The following GNAI3 variants were observed in gnomAD, a reference collection of about 807,000 sequenced individuals.
The protein encoded by GNAI3 is guanine nucleotide-binding protein G(i) subunit alpha-3.
GNAI3 carries 12 observed loss-of-function variants against 41.8 expected under a neutral mutation model. The ratio of observed to expected loss-of-function variants is 0.29; its 90% confidence interval spans 0.18 to 0.47. The LOEUF (loss-of-function observed/expected upper bound fraction) is 0.47, where lower values mean the gene tolerates loss of function less well. Among genes scored for constraint, GNAI3 ranks in the 20% least tolerant of loss-of-function variants. The pLI, the probability that GNAI3 is intolerant of heterozygous loss-of-function variation, is 1.00. For synonymous variants in GNAI3, 132 were observed against 146.5 expected (o/e 0.90, Z 0.71); for missense variants, 360 against 429.6 (o/e 0.84, Z 1.43).
chr1:109,559,265 T>A (rs1648247305), intron 1 of GNAI3, among the ~76,000 whole-genome samples: 1 of 152,220 alleles, frequency 6.6e-6, no homozygotes, highest in Admixed American at 6.5e-5. Context: ...AGTTCATTTT[T>A]AAAATTTGTT....
chr1:109,548,918 C>T (rs1052778583), intron 1 of GNAI3, 80 bp downstream of exon 1: 1 of 950,732 alleles, frequency 1.1e-6, no homozygotes, highest in African/African-American at 1.6e-5. Flanking sequence ...TCTGGTCGGG[C>T]CGACGGAAAG....
At chr1:109,584,447 C>A (rs1330980616) in intron 5 of GNAI3, among the ~76,000 whole-genome samples, 1 of 152,178 alleles carries the variant, frequency 6.6e-6, no homozygotes, top group East Asian at 1.9e-4. Context: ...TGGAAACTTT[C>A]TTATTGGTGT....
At chr1:109,561,995 G>T (rs748001043) in intron 1 of GNAI3, among the ~76,000 whole-genome samples, 1 of 152,156 alleles carries the variant, frequency 6.6e-6, no homozygotes, top group African/African-American at 2.4e-5. Context: ...GGTACAGGAA[G>T]AGTGTAGAAG....
chr1:109,555,711 CTT>C (rs1648120481), intron 1 of GNAI3, among the ~76,000 whole-genome samples: 1 of 152,026 alleles, frequency 6.6e-6, no homozygotes, highest in Non-Finnish European at 1.5e-5. Context: ...ACAAAAAAGT[CTT>C]TTAGTTTTTA....
In GNAI3 at chr1:109,596,274, A is replaced by C. The variant is rs1570556917; in HGVS notation, c.*3952A>C. 6.6e-6 allele frequency: 1 copy of C among 152,116 alleles called. No individual in the cohort carries two copies. Among genetic ancestry groups the C allele is most frequent in the East Asian group, 1.9e-4 (1 of 5,194 alleles). The allele number at this position is 152,116 out of a possible 1,614,324, so 9.4% of individuals were successfully genotyped here. A position where few individuals can be genotyped will look rare whatever the true frequency, so the allele number is the denominator to read the frequency against. On this transcript the variant is annotated 3_prime_UTR_variant, in exon 9 of 9. Coordinates refer to ENST00000369851, the MANE Select transcript of GNAI3 (RefSeq NM_006496.4). ...TCATTTCTCTCCCTCCTTTCCCCCCAGTTTTCTCAACATTTATGAGTTAGT... is the reference window on the plus strand; with the variant it reads ...TCATTTCTCTCCCTCCTTTCCCCCCCGTTTTCTCAACATTTATGAGTTAGT...
chr1:109,586,914 A>T, intron 7 of GNAI3, 32 bp downstream of exon 7: 1 of 1,463,586 alleles, frequency 6.8e-7, no homozygotes, highest in Non-Finnish European at 9.5e-7. Flanking sequence ...TATTGGAGGT[A>T]CACATCTTAC....
intron 1 of GNAI3, 122 bp downstream of exon 1, chr1:109,548,960 C>G: frequency 3.2e-4 from 82 of 253,694 alleles, no homozygotes; most frequent in South Asian, 1.3e-3. Flanking sequence ...GCGTGCCGGG[C>G]GTGGGGCGGG....
chr1:109,569,046 G>C (rs1199392664), intron 1 of GNAI3, among the ~76,000 whole-genome samples: 1 of 152,078 alleles, frequency 6.6e-6, no homozygotes, highest in African/African-American at 2.4e-5. Context: ...AGATTGCCTT[G>C]CCTCTTTTAT....
chr1:109,587,693 T>C (rs1030711834), intron 7 of GNAI3, among the ~76,000 whole-genome samples: 1 of 152,170 alleles, frequency 6.6e-6, no homozygotes, highest in African/African-American at 2.4e-5. Context: ...TATCTCATGC[T>C]GAGACGATGA....
At position 109,592,030 on chromosome 1, in the gene GNAI3, G is replaced by C. The variant is rs1169983600; in HGVS notation, c.875-13G>C. 1.3e-6 allele frequency: 2 copies of C among 1,573,942 alleles called. No individual in the cohort carries two copies. The highest frequency in any genetic ancestry group is 2.2e-5 in the South Asian group (2 of 89,154). On this transcript the variant is annotated splice_polypyrimidine_tract_variant and intron_variant, in intron 7 of 8. Transcript: ENST00000369851. ...TTACAATTTGAACTGAGAGTACTGG[G>C]TGTCCGTTTTAGGTTCCAATACATA...
intron 1 of GNAI3, among the ~76,000 whole-genome samples, chr1:109,561,744 T>C (rs1259415381): frequency 1.3e-5 from 2 of 152,132 alleles, no homozygotes; most frequent in African/African-American, 2.4e-5. Context: ...GAGAGACATA[T>C]ACGTTAGGGA....
intron 1 of GNAI3, among the ~76,000 whole-genome samples, chr1:109,556,561 C>T (rs1487737128): frequency 1.3e-5 from 2 of 152,176 alleles, no homozygotes; most frequent in Non-Finnish European, 1.5e-5. Flanking sequence ...TCTCTTTCTG[C>T]TTTTCCCCCA....
chr1:109,586,377 TAA>T (rs758219099), intron 6 of GNAI3, 32 bp downstream of exon 6: 2 of 1,581,582 alleles, frequency 1.3e-6, no homozygotes, highest in East Asian at 2.3e-5. Flanking sequence ...AAAGCCTGTC[TAA>T]TGTAGCCAGG....
chr1:109,552,202 G>A (rs1042051457), intron 1 of GNAI3, among the ~76,000 whole-genome samples: 9 of 151,876 alleles, frequency 5.9e-5, no homozygotes, highest in African/African-American at 2.2e-4. Flanking sequence ...GAAGATCTTG[G>A]TATATCAAAT....
chr1:109,582,792 A>G (rs1223916112), intron 5 of GNAI3, among the ~76,000 whole-genome samples: 1 of 152,230 alleles, frequency 6.6e-6, no homozygotes, highest in Non-Finnish European at 1.5e-5. Context: ...TAAATTCAAA[A>G]ATAAATTTAA....
chr1:109,581,430 G>C (rs1183725989), intron 4 of GNAI3, among the ~76,000 whole-genome samples: 1 of 152,044 alleles, frequency 6.6e-6, no homozygotes, highest in Non-Finnish European at 1.5e-5. Flanking sequence ...GACCTATTGA[G>C]TTTAATTGTC....
At chr1:109,585,444 A>G (rs1649012088) in intron 5 of GNAI3, among the ~76,000 whole-genome samples, 1 of 152,210 alleles carries the variant, frequency 6.6e-6, no homozygotes, top group Non-Finnish European at 1.5e-5. Flanking sequence ...GAGTTTGGAA[A>G]TATTGGTCAA....
At chr1:109,583,649 C>T (rs993228779) in intron 5 of GNAI3, among the ~76,000 whole-genome samples, 6 of 151,900 alleles carry the variant, frequency 3.9e-5, no homozygotes, top group South Asian at 2.1e-4. Context: ...GGTGCGATCT[C>T]GGCTCGTTGC....
intron 7 of GNAI3, among the ~76,000 whole-genome samples, chr1:109,590,652 T>G (rs930637991): frequency 1.3e-5 from 2 of 151,852 alleles, no homozygotes; most frequent in African/African-American, 4.8e-5. Flanking sequence ...CTCGGCTCAC[T>G]GCAACCTCCA....
Sources: gnomAD v4.1 joint callset for allele counts (sites outside exome capture counted in the v4.1 genomes callset) on GRCh38, gnomAD v4.1.1 for gene constraint, MANE v1.5 for transcripts, NCBI Gene and HGNC (gene_info 2026-07-23, HGNC 2026-07-21) for gene names.